Variants in PALM2AKAP2 observed in about 807,000 individuals in gnomAD.
PALM2AKAP2 encodes PALM2-AKAP2 fusion protein.
PALM2AKAP2 carries 37 observed loss-of-function variants against 71.5 expected under a neutral mutation model. The observed-to-expected ratio is 0.52, with a 90% CI of 0.40 to 0.68. The LOEUF is 0.68. Ranked by LOEUF, PALM2AKAP2 falls within the 30% of genes least tolerant of loss-of-function variation. The probability of loss-of-function intolerance (pLI) is 0.00; values close to 1 mark genes in which losing one functional copy is unlikely to be tolerated. For missense variants in PALM2AKAP2, 1,224 were observed against 1,191.8 expected (o/e 1.03, Z -0.40); for synonymous variants, 468 against 478.8 (o/e 0.98, Z 0.29).
At chr9:109,769,070 C>T (rs957238412) in intron 1 of PALM2AKAP2, among the ~76,000 whole-genome samples, 11 of 152,214 alleles carry the variant, frequency 7.2e-5, no homozygotes, top group African/African-American at 2.4e-4. Flanking sequence ...TTTTTACTTG[C>T]ATTAGTTTGT....
intron 1 of PALM2AKAP2, among the ~76,000 whole-genome samples, chr9:109,790,973 A>G (rs1440981723): frequency 1.3e-5 from 2 of 152,222 alleles, no homozygotes; most frequent in African/African-American, 4.8e-5. Flanking sequence ...TTGTTCATGA[A>G]CATTGATGTC....
chr9:109,727,115 G>A (rs1484581409), intron 1 of PALM2AKAP2, among the ~76,000 whole-genome samples: 1 of 152,176 alleles, frequency 6.6e-6, no homozygotes, highest in Non-Finnish European at 1.5e-5. Flanking sequence ...AGATTAGAGT[G>A]TGTTTTACTT....
At position 109,923,717 on chromosome 9, in the gene PALM2AKAP2, T is replaced by G. The variant is rs904762012; in HGVS notation, c.258-18T>G. 6.3e-7 allele frequency: 1 copy of G among 1,578,150 alleles called. No homozygotes were observed. On this transcript the variant is annotated intron_variant, in intron 3 of 9. Coordinates refer to the PALM2AKAP2 transcript ENST00000302798. ...CAGGACAATAAAGTAACTTGTCCTT[T>G]GTTTGTGTGTTTTCCAGGCTGGAGC...
chr9:110,160,109 A>G (rs1037894085), intron 3 of PALM2AKAP2, among the ~76,000 whole-genome samples: 1 of 152,180 alleles, frequency 6.6e-6, no homozygotes. Flanking sequence ...TTACCAACCT[A>G]TGCAAGGCCT....
chr9:109,862,808 GT>G, intron 1 of PALM2AKAP2: 1 of 463,284 alleles, frequency 2.2e-6, no homozygotes, highest in South Asian at 1.5e-5. Context: ...TAGATGAATT[GT>G]TTTTTGTCAA....
chr9:109,651,196 T>G (rs950708335), intron 1 of PALM2AKAP2, among the ~76,000 whole-genome samples: 1 of 152,142 alleles, frequency 6.6e-6, no homozygotes, highest in African/African-American at 2.4e-5. Flanking sequence ...AGGAGAACCA[T>G]GGATGAGAGA....
At chr9:110,023,155 C>T (rs910711850) in intron 7 of PALM2AKAP2, among the ~76,000 whole-genome samples, 1 of 151,492 alleles carries the variant, frequency 6.6e-6, no homozygotes, top group Non-Finnish European at 1.5e-5. Context: ...AATCGCCACA[C>T]TGACTTCCAC....
At chr9:109,677,539 G>A (rs533075632) in intron 1 of PALM2AKAP2, among the ~76,000 whole-genome samples, 2 of 151,996 alleles carry the variant, frequency 1.3e-5, no homozygotes, top group East Asian at 1.9e-4. Flanking sequence ...GCAGTGGCGG[G>A]CACCTGTAAT....
chr9:110,152,299 T>C (rs1836337185), intron 2 of PALM2AKAP2, among the ~76,000 whole-genome samples: 1 of 152,134 alleles, frequency 6.6e-6, no homozygotes, highest in African/African-American at 2.4e-5. Flanking sequence ...GATGGCAGGA[T>C]GTTCTCATTG....
chr9:109,895,702 A>G (rs1173628860), intron 3 of PALM2AKAP2, among the ~76,000 whole-genome samples: 1 of 152,178 alleles, frequency 6.6e-6, no homozygotes, highest in East Asian at 1.9e-4. Flanking sequence ...CCATGACAAT[A>G]TTGTATTTAA....
intron 1 of PALM2AKAP2, among the ~76,000 whole-genome samples, chr9:109,849,534 G>A (rs970289321): frequency 6.6e-6 from 1 of 152,074 alleles, no homozygotes; most frequent in Non-Finnish European, 1.5e-5. Context: ...GATCATCTGG[G>A]GTCAGGGGTT....
At chr9:109,871,932 A>G (rs1248322291) in intron 2 of PALM2AKAP2, among the ~76,000 whole-genome samples, 1 of 152,198 alleles carries the variant, frequency 6.6e-6, no homozygotes, top group Non-Finnish European at 1.5e-5. Flanking sequence ...CAGACGAGGT[A>G]TGCAGTAGGA....
intron 6 of PALM2AKAP2, among the ~76,000 whole-genome samples, chr9:109,974,320 C>T (rs1470534527): frequency 6.6e-6 from 1 of 152,204 alleles, no homozygotes; most frequent in Non-Finnish European, 1.5e-5. Context: ...GCTAACGGGA[C>T]TGGACAAACC....
chr9:109,661,894 T>C (rs1296766881), intron 1 of PALM2AKAP2, among the ~76,000 whole-genome samples: 1 of 152,196 alleles, frequency 6.6e-6, no homozygotes, highest in Non-Finnish European at 1.5e-5. Flanking sequence ...CCCTTGTAAG[T>C]TGGATTCCTA....
chr9:110,076,453 A>T (rs1834322840), intron 1 of PALM2AKAP2, among the ~76,000 whole-genome samples: 1 of 139,896 alleles, frequency 7.1e-6, no homozygotes, highest in Non-Finnish European at 1.5e-5. Context: ...ATAGGTATAT[A>T]GGCTCCTGAG....
At chr9:109,905,327 C>G (rs1338836234) in intron 3 of PALM2AKAP2, among the ~76,000 whole-genome samples, 1 of 152,168 alleles carries the variant, frequency 6.6e-6, no homozygotes, top group African/African-American at 2.4e-5. Context: ...CCCTGTCCAG[C>G]CTCCCAGGGG....
At chr9:110,093,847 G>A (rs1346292127) in intron 1 of PALM2AKAP2, among the ~76,000 whole-genome samples, 1 of 152,178 alleles carries the variant, frequency 6.6e-6, no homozygotes, top group Non-Finnish European at 1.5e-5. Flanking sequence ...CAGTTTCTCT[G>A]AGAAGCATTC....
intron 1 of PALM2AKAP2, among the ~76,000 whole-genome samples, chr9:110,115,614 G>A (rs898246895): frequency 2.6e-5 from 4 of 152,216 alleles, no homozygotes; most frequent in Admixed American, 2.0e-4. Context: ...GTGTGTCAGA[G>A]TGAATTGGAT....
At chr9:109,886,288 T>C (rs1829964572) in intron 3 of PALM2AKAP2, among the ~76,000 whole-genome samples, 1 of 152,190 alleles carries the variant, frequency 6.6e-6, no homozygotes, top group Non-Finnish European at 1.5e-5. Flanking sequence ...CTCGGGTTGA[T>C]ACTTTCGGAG....
Sources: gnomAD v4.1 joint callset for allele counts (sites outside exome capture counted in the v4.1 genomes callset) on GRCh38, gnomAD v4.1.1 for gene constraint, MANE v1.5 for transcripts, NCBI Gene and HGNC (gene_info 2026-07-23, HGNC 2026-07-21) for gene names.